The following GALNT13 variants were observed in gnomAD, a reference collection of about 807,000 sequenced individuals.
GALNT13 encodes the protein polypeptide N-acetylgalactosaminyltransferase 13.
Under a neutral mutation model 64.2 loss-of-function variants are expected in GALNT13, and 28 were observed. That is an observed-to-expected ratio of 0.44 (90% CI 0.32 to 0.60). GALNT13 has a LOEUF of 0.60. GALNT13 is among the 20% of genes least tolerant of loss of function. The pLI is 0.05. For synonymous variants in GALNT13, 214 were observed against 224.6 expected, an observed-to-expected ratio of 0.95 and a Z score of 0.42; for missense variants, 577 against 669.8, an observed-to-expected ratio of 0.86 and a Z score of 1.53.
the GALNT13 span, among the ~76,000 whole-genome samples, chr2:153,155,299 C>T: frequency 3.9e-5 from 6 of 152,248 alleles, no homozygotes; most frequent in Non-Finnish European, 7.4e-5. Flanking sequence ...AGGAATGGTA[C>T]CAGTTCTTCT....
chr2:153,434,090 T>G, the GALNT13 span, among the ~76,000 whole-genome samples: 1 of 152,320 alleles, frequency 6.6e-6, no homozygotes, highest in South Asian at 2.1e-4. Context: ...TTTGGTTTTT[T>G]GTCCTGGCAA....
chr2:153,923,330 A>G (rs1217152099), intron 2 of GALNT13, among the ~76,000 whole-genome samples: 1 of 152,186 alleles, frequency 6.6e-6, no homozygotes, highest in East Asian at 1.9e-4. Flanking sequence ...AGGAAAATAA[A>G]ATGTTGATTG....
At chr2:153,104,811 T>C in the GALNT13 span, among the ~76,000 whole-genome samples, 5 of 152,280 alleles carry the variant, frequency 3.3e-5, no homozygotes, top group South Asian at 8.3e-4. Flanking sequence ...TAGAATGCTT[T>C]GGTTCTATTA....
chr2:153,141,632 G>A, the GALNT13 span, among the ~76,000 whole-genome samples: 5 of 151,992 alleles, frequency 3.3e-5, no homozygotes, highest in African/African-American at 1.2e-4. Context: ...AGCTGGGTGT[G>A]GTGAGGAAGA....
At chr2:154,342,257 T>G (rs890865906) in intron 9 of GALNT13, among the ~76,000 whole-genome samples, 8 of 152,174 alleles carry the variant, frequency 5.3e-5, no homozygotes, top group Non-Finnish European at 8.8e-5. Context: ...AAAAATGATC[T>G]AATAAGGGTT....
At position 154,017,230 on chromosome 2, in the gene GALNT13, AT is replaced by A. The variant is rs1199837627; in HGVS notation, c.142+72595del. Among the ~76,000 whole-genome samples, 7 of 152,128 alleles carry A rather than the reference AT, an allele frequency of 4.6e-5. No individual in the cohort carries two copies. In the East Asian group the frequency reaches 1.4e-3, roughly 29 times the overall value. ...TGACTAATATGACTTTCATGGAGAT[AT>A]TTTAAAATTGTAAATGATATGAAAT... On this transcript the variant is annotated intron_variant, in intron 3 of 12. Coordinates refer to ENST00000392825, the MANE Select transcript of GALNT13 (RefSeq NM_052917.4).
chr2:153,459,537 A>G, the GALNT13 span, among the ~76,000 whole-genome samples: 1 of 152,204 alleles, frequency 6.6e-6, no homozygotes, highest in Non-Finnish European at 1.5e-5. Context: ...ATATGCACTG[A>G]ATTACATGGG....
intron 12 of GALNT13, among the ~76,000 whole-genome samples, chr2:154,449,172 C>T (rs1302612324): frequency 6.6e-6 from 1 of 151,802 alleles, no homozygotes; most frequent in Non-Finnish European, 1.5e-5. Context: ...GAAAGAGCAA[C>T]AACAAAGGTC....
the GALNT13 span, among the ~76,000 whole-genome samples, chr2:153,110,980 G>A: frequency 6.6e-6 from 1 of 152,016 alleles, no homozygotes; most frequent in East Asian, 1.9e-4. Context: ...AGACTGAAAT[G>A]CCCCCCATAG....
the GALNT13 span, among the ~76,000 whole-genome samples, chr2:153,455,363 G>T: frequency 7.7e-4 from 117 of 152,316 alleles, no homozygotes; most frequent in African/African-American, 2.8e-3. Context: ...TGTGGGACTT[G>T]CCCCAGGGGT....
In GALNT13 at chr2:154,212,202, C is replaced by A. The variant is rs556588989; in HGVS notation, c.312-29828C>A. 2.0e-5 allele frequency among the ~76,000 whole-genome samples: 3 copies of A among 151,616 alleles called. No individual in the cohort carries two copies. In the South Asian group the frequency reaches 6.3e-4, roughly 32 times the overall value. On this transcript the variant is annotated intron_variant, in intron 4 of 12. Transcript: ENST00000392825. ...TGAATGTGTACAAAATGTTTTGTGG[C>A]AGGGGTGCAGGGGGTAGGGGGTAGC...
At chr2:153,671,638 A>G in the GALNT13 span, among the ~76,000 whole-genome samples, 1 of 152,250 alleles carries the variant, frequency 6.6e-6, no homozygotes, top group Admixed American at 6.5e-5. Context: ...AAGAAACTGC[A>G]TCAATTAATA....
chr2:153,105,933 A>G, the GALNT13 span, among the ~76,000 whole-genome samples: 1 of 152,110 alleles, frequency 6.6e-6, no homozygotes, highest in Non-Finnish European at 1.5e-5. Context: ...TTATTGAATC[A>G]TTTTTGAATG....
In GALNT13 at chr2:154,298,724, AT is replaced by A. The variant is rs374456586; in HGVS notation, c.976-2683del. Reference sequence around the variant, plus strand: ...TATATACAATTTATATATAAATTATATTATTTATATATAGTATATATAAATA... The same window carrying A: ...TATATACAATTTATATATAAATTATATATTTATATATAGTATATATAAATA... On this transcript the variant is annotated intron_variant, in intron 8 of 12. Coordinates refer to ENST00000392825, the MANE Select transcript of GALNT13 (RefSeq NM_052917.4). Among the ~76,000 whole-genome samples the A allele has an allele frequency of 2.0e-5, 2 of 101,378 alleles. 1 individual carries two copies. The highest frequency in any genetic ancestry group is 7.1e-5 in the African/African-American group (2 of 28,280). 66.5% of individuals were successfully genotyped at this position (101,378 alleles called of 152,430 possible). A position where few individuals can be genotyped will look rare whatever the true frequency, so the allele number is the denominator to read the frequency against.
At chr2:153,899,052 T>C (rs1183413059) in intron 1 of GALNT13, among the ~76,000 whole-genome samples, 1 of 152,130 alleles carries the variant, frequency 6.6e-6, no homozygotes, top group Non-Finnish European at 1.5e-5. Flanking sequence ...AAAACCTACA[T>C]ATAAGGATTT....
At chr2:153,144,146 A>G in the GALNT13 span, among the ~76,000 whole-genome samples, 2 of 152,174 alleles carry the variant, frequency 1.3e-5, no homozygotes, top group African/African-American at 4.8e-5. Context: ...CTCCATGGAA[A>G]GAAGGGTCAT....
At chr2:153,910,464 G>T (rs1171631838) in intron 2 of GALNT13, among the ~76,000 whole-genome samples, 2 of 151,850 alleles carry the variant, frequency 1.3e-5, no homozygotes, top group East Asian at 3.9e-4. Flanking sequence ...GTTTGTTTCT[G>T]GTCTTCTGCT....
intron 3 of GALNT13, among the ~76,000 whole-genome samples, chr2:153,946,100 C>T (rs1024427509): frequency 2.0e-5 from 3 of 152,114 alleles, no homozygotes; most frequent in Admixed American, 2.0e-4. Context: ...TTCTGAGCTT[C>T]TTTGTCAGAA....
chr2:153,408,708 A>G, the GALNT13 span, among the ~76,000 whole-genome samples: 1 of 151,784 alleles, frequency 6.6e-6, no homozygotes, highest in Admixed American at 6.6e-5. Context: ...AAAGATGAAG[A>G]CAAATGCTAG....
Sources: allele counts gnomAD v4.1 joint callset (sites outside exome capture counted in the v4.1 genomes callset), GRCh38; gene constraint gnomAD v4.1.1; transcripts MANE v1.5; gene names NCBI Gene and HGNC (gene_info 2026-07-23, HGNC 2026-07-21).